The following MRPL3 variants were observed in gnomAD, a reference collection of about 807,000 sequenced individuals.
MRPL3 encodes mitochondrial ribosomal protein L3.
MRPL3 carries 43 observed loss-of-function variants against 44.3 expected under a neutral mutation model. The observed-to-expected ratio is 0.97, with a 90% CI of 0.76 to 1.25. MRPL3 has a LOEUF of 1.25. Among genes scored for constraint, MRPL3 ranks in the 50% most tolerant of loss-of-function variants. The pLI is 0.00. For missense variants in MRPL3, 406 were observed against 427.6 expected, an observed-to-expected ratio of 0.95 and a Z score of 0.45; for synonymous variants, 171 against 152.3, an observed-to-expected ratio of 1.12 and a Z score of -0.91.
chr3:131,468,022 G>A, intron 9 of MRPL3, 69 bp downstream of exon 9: 2 of 783,684 alleles, frequency 2.6e-6, no homozygotes, highest in Non-Finnish European at 3.9e-6. Context: ...AATAAAGATA[G>A]TAATTTGTTA....
Position 131,500,418 on chromosome 3 carries a change from T to C in MRPL3, c.369+12A>G. On this transcript the variant is annotated intron_variant, in intron 3 of 9. Coordinates refer to ENST00000264995, the MANE Select transcript of MRPL3 (RefSeq NM_007208.4). ...ACATAGATATCTCTTACGTCTTCTG[T>C]TTCTCTCTTACCTGAAGTAATGTGA... 1 of 1,603,402 alleles carries C rather than the reference T, an allele frequency of 6.2e-7. No individual in the cohort carries two copies. Among genetic ancestry groups the C allele is most frequent in the Non-Finnish European group, 8.5e-7 (1 of 1,170,578 alleles).
intron 1 of MRPL3, 57 bp downstream of exon 1, chr3:131,502,673 C>T (rs1934524187): frequency 6.8e-7 from 1 of 1,462,678 alleles, no homozygotes; most frequent in Non-Finnish European, 9.4e-7. Context: ...CTGCACCAGG[C>T]CATTCCACTG....
intron 4 of MRPL3, among the ~76,000 whole-genome samples, chr3:131,493,452 GT>G (rs1934301304): frequency 6.6e-6 from 1 of 152,098 alleles, no homozygotes; most frequent in Non-Finnish European, 1.5e-5. Context: ...TCAAATGTTG[GT>G]CAGCATGCTG....
At position 131,500,288 on chromosome 3, in the gene MRPL3, T is replaced by C. The variant is rs151125340; in HGVS notation, c.369+142A>G. On this transcript the variant is annotated intron_variant, in intron 3 of 9. Coordinates refer to ENST00000264995, the MANE Select transcript of MRPL3 (RefSeq NM_007208.4). ...ACATTCCTGAAACCACCATAAGTTCTTTAATACTATTTATGTTCAACATCA... is the reference window on the plus strand; with the variant it reads ...ACATTCCTGAAACCACCATAAGTTCCTTAATACTATTTATGTTCAACATCA... 6.1e-3 allele frequency: 3,896 copies of C among 639,680 alleles called. 19 individuals carry two copies. The highest frequency in any genetic ancestry group is 8.4e-3 in the Non-Finnish European group (3,126 of 373,218). 39.6% of individuals were successfully genotyped at this position (639,680 alleles called of 1,614,324 possible). A position where few individuals can be genotyped will look rare whatever the true frequency, so the allele number is the denominator to read the frequency against.
At chr3:131,478,708 AT>A (rs68160977) in intron 6 of MRPL3, among the ~76,000 whole-genome samples, 78 of 135,740 alleles carry the variant, frequency 5.7e-4, no homozygotes, top group Admixed American at 8.2e-4. Context: ...GAAATATTCG[AT>A]TTTTTTTTTT....
At chr3:131,482,306 G>A (rs1436013934) in intron 6 of MRPL3, among the ~76,000 whole-genome samples, 2 of 152,022 alleles carry the variant, frequency 1.3e-5, no homozygotes, top group East Asian at 3.9e-4. Context: ...CACGAGGTCA[G>A]GAGATCGAGA....
chr3:131,476,313 G>A (rs1933850912), intron 6 of MRPL3, among the ~76,000 whole-genome samples: 1 of 152,108 alleles, frequency 6.6e-6, no homozygotes, highest in South Asian at 2.1e-4. Context: ...AGAACAGAGT[G>A]TACCTGTTGA....
chr3:131,476,960 G>C (rs1216205732), intron 6 of MRPL3, among the ~76,000 whole-genome samples: 1 of 152,152 alleles, frequency 6.6e-6, no homozygotes, highest in Non-Finnish European at 1.5e-5. Context: ...TTGAAGAAAA[G>C]GGGAGAAGCT....
At chr3:131,468,062 GGA>G in intron 9 of MRPL3, 27 bp downstream of exon 9, 1 of 1,141,716 alleles carries the variant, frequency 8.8e-7, no homozygotes, top group South Asian at 1.8e-5. Context: ...AAAAAAAAAA[GGA>G]AAAAAAAAGA....
At chr3:131,472,172 T>C (rs758882534) in intron 6 of MRPL3, among the ~76,000 whole-genome samples, 3 of 152,136 alleles carry the variant, frequency 2.0e-5, no homozygotes, top group Non-Finnish European at 4.4e-5. Flanking sequence ...ACTAGTACAA[T>C]AGAGGACTAA....
chr3:131,467,519 T>C (rs1480476967), intron 9 of MRPL3, among the ~76,000 whole-genome samples: 1 of 152,114 alleles, frequency 6.6e-6, no homozygotes, highest in Non-Finnish European at 1.5e-5. Context: ...GATTGGATCA[T>C]GGGGGCAGAC....
In MRPL3 at chr3:131,468,139, T is replaced by C. The variant is rs375298862; in HGVS notation, c.846A>G (p.Ile282Met). The C allele has an allele frequency of 6.3e-7, 1 of 1,596,374 alleles. No homozygotes were observed. Among genetic ancestry groups the C allele is most frequent in the African/African-American group, 1.4e-5 (1 of 73,760 alleles). ...KVWRINTKHN[I>M]IYVNGSVPGH... ...CAGGTACAGAGCCATTTACATAGAT[T>C]ATGTTGTGCTTTGTGTTTATTCTCC... Residue 282 changes from isoleucine (I) to methionine (M), a missense_variant, in exon 9 of 10, where the codon ATA becomes ATG. Coordinates refer to ENST00000264995, the MANE Select transcript of MRPL3 (RefSeq NM_007208.4).
intron 4 of MRPL3, among the ~76,000 whole-genome samples, chr3:131,491,638 C>T (rs768086493): frequency 1.3e-5 from 2 of 152,082 alleles, no homozygotes; most frequent in Non-Finnish European, 2.9e-5. Flanking sequence ...ACCCTTGATT[C>T]TTTTCTTCTT....
intron 4 of MRPL3, 123 bp downstream of exon 4, chr3:131,498,055 AT>A: frequency 1.3e-6 from 1 of 762,122 alleles, no homozygotes; most frequent in Non-Finnish European, 2.2e-6. Context: ...CCTCCCCCAA[AT>A]ACACAATTTA....
intron 8 of MRPL3, 32 bp downstream of exon 8, chr3:131,469,664 T>C (rs750623513): frequency 5.5e-6 from 8 of 1,466,474 alleles, no homozygotes; most frequent in Non-Finnish European, 7.6e-6. Flanking sequence ...ACAATTTAGC[T>C]GTTCCTAAAA....
intron 4 of MRPL3, among the ~76,000 whole-genome samples, chr3:131,491,210 C>A (rs1330505528): frequency 6.6e-6 from 1 of 152,130 alleles, no homozygotes; most frequent in East Asian, 1.9e-4. Flanking sequence ...TTAATCAGCA[C>A]TTTCAGCTCC....
chr3:131,479,134 G>A, intron 6 of MRPL3: 1 of 518,460 alleles, frequency 1.9e-6, no homozygotes, highest in South Asian at 1.4e-5. Context: ...AGCCACTGAT[G>A]AAGCTGGTTA....
intron 5 of MRPL3, among the ~76,000 whole-genome samples, chr3:131,489,447 G>C (rs1429574933): frequency 2.0e-5 from 3 of 152,008 alleles, no homozygotes; most frequent in Non-Finnish European, 2.9e-5. Flanking sequence ...CAGAGATCAG[G>C]GAGCTTTTCT....
rs553214138 is a variant in MRPL3, at chr3:131,498,252, T to C, written c.395A>G (p.Tyr132Cys). Residue 132 changes from tyrosine (Y) to cysteine (C), a missense_variant, in exon 4 of 10, where the codon TAT becomes TGT. Physicochemically the swap from Tyr to Cys is radical, Grantham distance 194. Coordinates refer to ENST00000264995, the MANE Select transcript of MRPL3 (RefSeq NM_007208.4). ...TCCATTACAGTTTTCCTTTGACGTA[T>C]ATTTTAAGACATGACAGTCTTGTAC... is the stretch of plus-strand genomic sequence containing the variant. The part of the protein sequence containing the change: ...LQVQDCHVLK[Y>C]TSKENCNGKM... 2.3e-5 allele frequency: 37 copies of C among 1,610,696 alleles called. No homozygotes were observed. In the African/African-American group the frequency reaches 4.4e-4, roughly 19 times the overall value.
Sources: gnomAD v4.1 joint callset for allele counts (sites outside exome capture counted in the v4.1 genomes callset) on GRCh38, gnomAD v4.1.1 for gene constraint, MANE v1.5 for transcripts, NCBI Gene and HGNC (gene_info 2026-07-23, HGNC 2026-07-21) for gene names.